The following GBE1 variants were observed in gnomAD, a reference collection of about 807,000 sequenced individuals.
GBE1 encodes 1,4-alpha-glucan-branching enzyme.
A neutral mutation model predicts 88.8 loss-of-function variants in GBE1; 70 were observed. The ratio of observed to expected loss-of-function variants is 0.79; its 90% CI spans 0.65 to 0.96. The LOEUF (loss-of-function observed/expected upper bound fraction) is 0.96. Among genes scored for constraint, GBE1 ranks in the 40% least tolerant of loss-of-function variants. The pLI is 0.00. For synonymous variants in GBE1, 284 were observed against 300.1 expected (o/e 0.95, Z 0.56); for missense variants, 872 against 871.0 (o/e 1.00, Z -0.01).
chr3:81,553,820 A>G (rs1703311117), intron 12 of GBE1, among the ~76,000 whole-genome samples: 1 of 152,062 alleles, frequency 6.6e-6, no homozygotes, highest in African/African-American at 2.4e-5. Context: ...TTGTCTATTT[A>G]TCAGAGGTTA....
chr3:81,507,646 ACTT>A, intron 14 of GBE1, among the ~76,000 whole-genome samples: 1 of 151,592 alleles, frequency 6.6e-6, no homozygotes, highest in Non-Finnish European at 1.5e-5. Flanking sequence ...GCCAAATGCA[ACTT>A]TTTTCTTTAT....
rs77919059 is a variant in GBE1 at position 81,759,748 on chromosome 3, C to T, written c.143+1627G>A. Among the ~76,000 whole-genome samples the T allele has an allele frequency of 4.1e-3, 619 of 151,984 alleles. 9 individuals are homozygous for T. Among genetic ancestry groups the T allele is most frequent in the Middle Eastern group, 0.014 (4 of 294 alleles). On this transcript the variant is annotated intron_variant, in intron 1 of 15. Transcript: ENST00000429644. ...GTTCCCTTCATTAGTTTTGGCAAACCATGAAAGAAGATTATAAATGCTTCA... is the reference window on the plus strand; with the variant it reads ...GTTCCCTTCATTAGTTTTGGCAAACTATGAAAGAAGATTATAAATGCTTCA...
At chr3:81,694,854 A>T (rs1450750857) in intron 2 of GBE1, among the ~76,000 whole-genome samples, 1 of 152,192 alleles carries the variant, frequency 6.6e-6, no homozygotes, top group Non-Finnish European at 1.5e-5. Context: ...ACTGGTTAGG[A>T]CTAAGACAGC....
At chr3:81,681,049 T>C (rs1467765783) in intron 2 of GBE1, among the ~76,000 whole-genome samples, 1 of 152,254 alleles carries the variant, frequency 6.6e-6, no homozygotes, top group African/African-American at 2.4e-5. Flanking sequence ...CCTTTCATTT[T>C]GTAATCTCTC....
At chr3:81,752,701 T>C (rs1174720710) in intron 1 of GBE1, among the ~76,000 whole-genome samples, 1 of 152,078 alleles carries the variant, frequency 6.6e-6, no homozygotes, top group Non-Finnish European at 1.5e-5. Context: ...TAGATTATGA[T>C]TAAAATTACC....
chr3:81,758,934 G>A (rs1362858017), intron 1 of GBE1, among the ~76,000 whole-genome samples: 1 of 152,158 alleles, frequency 6.6e-6, no homozygotes, highest in Admixed American at 6.5e-5. Flanking sequence ...AATCATGGGG[G>A]CAGGTCTTTC....
At chr3:81,634,221 A>C (rs1457833577) in intron 7 of GBE1, among the ~76,000 whole-genome samples, 1 of 152,196 alleles carries the variant, frequency 6.6e-6, no homozygotes, top group African/African-American at 2.4e-5. Flanking sequence ...GATATTCTAT[A>C]TTCTAGTTGT....
intron 3 of GBE1, among the ~76,000 whole-genome samples, chr3:81,661,804 A>T (rs949981695): frequency 2.0e-5 from 3 of 152,130 alleles, no homozygotes; most frequent in African/African-American, 4.8e-5. Flanking sequence ...CTTTATTTTT[A>T]AAAAATAATA....
intron 11 of GBE1, among the ~76,000 whole-genome samples, chr3:81,578,571 C>T (rs1703680852): frequency 6.6e-6 from 1 of 151,232 alleles, no homozygotes; most frequent in Admixed American, 6.6e-5. Context: ...AAATATATCA[C>T]AATAGTTCCT....
At chr3:81,553,573 T>A (rs1002815696) in intron 12 of GBE1, among the ~76,000 whole-genome samples, 1 of 143,738 alleles carries the variant, frequency 7.0e-6, no homozygotes, top group Non-Finnish European at 1.5e-5. Flanking sequence ...GTATTCCTCA[T>A]GGAAAATGTC....
intron 1 of GBE1, among the ~76,000 whole-genome samples, chr3:81,747,952 T>C (rs1706440420): frequency 1.3e-5 from 2 of 152,172 alleles, no homozygotes; most frequent in South Asian, 2.1e-4. Context: ...ACACAAAGCC[T>C]GTTTGGTGGT....
intron 3 of GBE1, among the ~76,000 whole-genome samples, chr3:81,652,647 G>C (rs939034082): frequency 3.3e-5 from 5 of 152,142 alleles, no homozygotes; most frequent in Non-Finnish European, 7.4e-5. Flanking sequence ...CCTGGATTTT[G>C]CAAGTATTTT....
intron 12 of GBE1, among the ~76,000 whole-genome samples, chr3:81,539,277 A>G (rs1576139526): frequency 6.6e-6 from 1 of 152,116 alleles, no homozygotes; most frequent in African/African-American, 2.4e-5. Context: ...TCATACCTGG[A>G]CAGAGATTCC....
Position 81,717,194 on chromosome 3 carries a change from T to A in GBE1, c.144-11581A>T, listed in dbSNP as rs1357370658. ...AGCTAACACAGTCTTAGTCTACTGATTTCTAGGAAGCATTCTGACTTAATG... is the reference window on the plus strand; with the variant it reads ...AGCTAACACAGTCTTAGTCTACTGAATTCTAGGAAGCATTCTGACTTAATG... On this transcript the variant is annotated intron_variant, in intron 1 of 15. Coordinates refer to ENST00000429644, the MANE Select transcript of GBE1 (RefSeq NM_000158.4). Among the ~76,000 whole-genome samples, 2 of 152,220 alleles carry A rather than the reference T, an allele frequency of 1.3e-5. 1 individual carries two copies. Among genetic ancestry groups the A allele is most frequent in the East Asian group, 3.8e-4 (2 of 5,202 alleles).
intron 1 of GBE1, among the ~76,000 whole-genome samples, chr3:81,719,362 A>G (rs1705988880): frequency 6.6e-6 from 1 of 152,044 alleles, no homozygotes; most frequent in Non-Finnish European, 1.5e-5. Flanking sequence ...GATTACAGGC[A>G]CGTGCCACCA....
chr3:81,508,384 G>A (rs1702682652), intron 14 of GBE1, among the ~76,000 whole-genome samples: 1 of 152,048 alleles, frequency 6.6e-6, no homozygotes, highest in Non-Finnish European at 1.5e-5. Context: ...GTCTGTCTGT[G>A]CCTTTAGGAT....
chr3:81,507,101 TTTAA>T (rs1702664891), intron 14 of GBE1, among the ~76,000 whole-genome samples: 1 of 152,140 alleles, frequency 6.6e-6, no homozygotes, highest in Non-Finnish European at 1.5e-5. Flanking sequence ...GTTCTGATAT[TTTAA>T]TTACTTTTCA....
intron 12 of GBE1, among the ~76,000 whole-genome samples, chr3:81,556,688 A>G (rs1703353646): frequency 6.6e-6 from 1 of 152,134 alleles, no homozygotes; most frequent in South Asian, 2.1e-4. Context: ...TCAAGAAGGT[A>G]AACCCTGTGA....
intron 7 of GBE1, among the ~76,000 whole-genome samples, chr3:81,637,567 A>T (rs993153804): frequency 6.6e-6 from 1 of 152,126 alleles, no homozygotes; most frequent in African/African-American, 2.4e-5. Context: ...ATGTGGTTGT[A>T]CATATTTATC....
Sources: allele counts gnomAD v4.1 joint callset (sites outside exome capture counted in the v4.1 genomes callset), GRCh38; gene constraint gnomAD v4.1.1; transcripts MANE v1.5; gene names NCBI Gene and HGNC (gene_info 2026-07-23, HGNC 2026-07-21).